Variants in DAB1 observed in about 807,000 individuals in gnomAD.
The protein encoded by DAB1 is disabled homolog 1.
Under a neutral mutation model 64.6 loss-of-function variants are expected in DAB1, and 15 were observed. The observed-to-expected ratio is 0.23, with a 90% CI of 0.16 to 0.36. DAB1 has a LOEUF of 0.36. DAB1 is among the 10% of genes least tolerant of loss of function. DAB1 has a pLI of 1.00. For synonymous variants in DAB1, 235 were observed against 251.9 expected (o/e 0.93, Z 0.64); for missense variants, 596 against 706.7 (o/e 0.84, Z 1.78).
chr1:57,531,214 T>C (rs1266167876), intron 7 of DAB1, among the ~76,000 whole-genome samples: 1 of 152,162 alleles, frequency 6.6e-6, no homozygotes, highest in Non-Finnish European at 1.5e-5. Context: ...CTGCCCCACC[T>C]TAACTGAGCA....
chr1:58,199,105 T>A (rs1359892585), intron 4 of DAB1, among the ~76,000 whole-genome samples: 1 of 152,054 alleles, frequency 6.6e-6, no homozygotes, highest in Middle Eastern at 3.2e-3. Context: ...AGACTCAGTC[T>A]CAAAAACAAA....
At chr1:58,402,832 C>T (rs942523495) in intron 3 of DAB1, among the ~76,000 whole-genome samples, 13 of 152,096 alleles carry the variant, frequency 8.5e-5, no homozygotes, top group South Asian at 2.1e-4. Context: ...AGGTAAACAA[C>T]GAAATAATTA....
At position 57,929,884 on chromosome 1, in the gene DAB1, C is replaced by T. The variant is rs112744795; in HGVS notation, n.388-45722G>A. ...TACTACCTTAAGAATGGCATCAAAC[C>T]ATTCATGAGGGATCCACCCCCAGGA... On this transcript the variant is annotated intron_variant and non_coding_transcript_variant, in intron 5 of 20. Transcript: ENST00000485760. Among the ~76,000 whole-genome samples, 518 of 152,264 alleles carry T rather than the reference C, an allele frequency of 3.4e-3. 6 individuals are homozygous for T. Among genetic ancestry groups the T allele is most frequent in the African/African-American group, 0.012 (500 of 41,546 alleles).
intron 1 of DAB1, among the ~76,000 whole-genome samples, chr1:57,328,099 C>T (rs1676330645): frequency 6.6e-6 from 1 of 152,194 alleles, no homozygotes; most frequent in African/African-American, 2.4e-5. Flanking sequence ...ATGGCTGTTG[C>T]ATCCTGCAGG....
chr1:57,925,576 A>T (rs1158009393), intron 5 of DAB1, among the ~76,000 whole-genome samples: 1 of 152,218 alleles, frequency 6.6e-6, no homozygotes, highest in Non-Finnish European at 1.5e-5. Context: ...AGAGTTTCAG[A>T]CTAGAAAATA....
At chr1:57,356,903 C>T (rs1679154325) in intron 1 of DAB1, among the ~76,000 whole-genome samples, 1 of 152,094 alleles carries the variant, frequency 6.6e-6, no homozygotes, top group Admixed American at 6.5e-5. Flanking sequence ...TGGTTAACAG[C>T]TTGTGATGTG....
intron 7 of DAB1, among the ~76,000 whole-genome samples, chr1:57,494,646 T>C (rs1232332211): frequency 6.6e-6 from 1 of 152,242 alleles, no homozygotes; most frequent in Non-Finnish European, 1.5e-5. Context: ...TTTATCATTT[T>C]ACATCCTTTA....
chr1:57,579,940 T>G (rs529503069), intron 7 of DAB1, among the ~76,000 whole-genome samples: 61 of 152,198 alleles, frequency 4.0e-4, no homozygotes, highest in African/African-American at 1.4e-3. Context: ...CTCAAAGAAG[T>G]GTCAGGGTTG....
chr1:58,266,757 T>C (rs937741856), intron 4 of DAB1, among the ~76,000 whole-genome samples: 1 of 152,190 alleles, frequency 6.6e-6, no homozygotes, highest in Non-Finnish European at 1.5e-5. Flanking sequence ...TAAATGATTA[T>C]ATGAATGATG....
intron 5 of DAB1, among the ~76,000 whole-genome samples, chr1:57,992,760 G>T (rs149994570): frequency 1.3e-5 from 2 of 151,870 alleles, no homozygotes; most frequent in Non-Finnish European, 2.9e-5. Context: ...GTTTTACCAT[G>T]TATCTAGATG....
chr1:58,330,049 A>G (rs1449276567), intron 4 of DAB1, among the ~76,000 whole-genome samples: 1 of 152,230 alleles, frequency 6.6e-6, no homozygotes, highest in Non-Finnish European at 1.5e-5. Flanking sequence ...GAAAGCTGAG[A>G]TAGTCCAAAA....
At chr1:57,313,760 C>G (rs576457573) in intron 1 of DAB1, among the ~76,000 whole-genome samples, 9 of 152,308 alleles carry the variant, frequency 5.9e-5, no homozygotes, top group African/African-American at 2.2e-4. Flanking sequence ...CCCCCTCTTC[C>G]TGCAAACACA....
rs758035870 is a variant in DAB1 at position 58,527,255 on chromosome 1, CTT to C, written n.107+4_107+5del. 4 of 872,068 alleles carry C rather than the reference CTT, an allele frequency of 4.6e-6. No homozygotes were observed. In the Admixed American group the frequency reaches 6.8e-5, roughly 15 times the overall value. 54.0% of individuals were successfully genotyped at this position (872,068 alleles called of 1,614,324 possible). A position where few individuals can be genotyped will look rare whatever the true frequency, so the allele number is the denominator to read the frequency against. On this transcript the variant is annotated splice_donor_5th_base_variant and intron_variant and non_coding_transcript_variant, in intron 2 of 20. Transcript: ENST00000485760. Reference sequence around the variant, plus strand: ...ATTATGTATTCTCAACTACTAAACACTTTACCTTTGCAGCAAGCAGTAGTCCA... The same window carrying C: ...ATTATGTATTCTCAACTACTAAACACTACCTTTGCAGCAAGCAGTAGTCCA...
At chr1:57,926,624 A>G (rs932588617) in intron 5 of DAB1, among the ~76,000 whole-genome samples, 1 of 152,202 alleles carries the variant, frequency 6.6e-6, no homozygotes, top group Non-Finnish European at 1.5e-5. Context: ...TTTTCCTGTC[A>G]CAGGATGGCT....
intron 4 of DAB1, among the ~76,000 whole-genome samples, chr1:58,197,404 A>AG (rs570572998): frequency 0.018 from 1,218 of 69,196 alleles, 13 homozygotes; most frequent in African/African-American, 0.053. Flanking sequence ...GGAGAGTTAC[A>AG]CTTTTTTTTT....
chr1:57,474,586 ACT>A (rs1475837164), intron 7 of DAB1, among the ~76,000 whole-genome samples: 3 of 152,086 alleles, frequency 2.0e-5, no homozygotes, highest in East Asian at 3.9e-4. Context: ...CAGCTTTATG[ACT>A]CTGCAGTAAA....
chr1:57,327,410 C>T (rs1480997896), intron 1 of DAB1, among the ~76,000 whole-genome samples: 1 of 152,112 alleles, frequency 6.6e-6, no homozygotes, highest in Admixed American at 6.5e-5. Flanking sequence ...CACCAGGTGC[C>T]TTTCATGGAA....
At chr1:58,162,418 A>G (rs780469479) in intron 4 of DAB1, among the ~76,000 whole-genome samples, 1 of 152,054 alleles carries the variant, frequency 6.6e-6, no homozygotes. Flanking sequence ...TTTCTTTTAA[A>G]TAAGTATAAT....
intron 3 of DAB1, among the ~76,000 whole-genome samples, chr1:58,483,857 T>G (rs1485263607): frequency 6.6e-6 from 1 of 152,164 alleles, no homozygotes; most frequent in Non-Finnish European, 1.5e-5. Flanking sequence ...TAATTTTCTT[T>G]CCCAAGTGAG....
Sources: gnomAD v4.1 joint callset for allele counts (sites outside exome capture counted in the v4.1 genomes callset) on GRCh38, gnomAD v4.1.1 for gene constraint, MANE v1.5 for transcripts, NCBI Gene and HGNC (gene_info 2026-07-23, HGNC 2026-07-21) for gene names.